The following ABR variants were observed in gnomAD, a reference collection of about 807,000 sequenced individuals.
ABR encodes the protein ABR activator of RhoGEF and GTPase.
In ABR, 35 loss-of-function variants were observed where a neutral mutation model predicts 107.2. The ratio of observed to expected loss-of-function variants is 0.33; its 90% CI spans 0.25 to 0.43. The LOEUF is 0.43. Among genes scored for constraint, ABR ranks in the 20% least tolerant of loss-of-function variants. The pLI is 1.00. For missense variants in ABR, 815 were observed against 1,115.2 expected (o/e 0.73, Z 3.83); for synonymous variants, 498 against 462.0 (o/e 1.08, Z -1.00).
In ABR at chr17:1,050,489, G is replaced by A. The variant is rs750048970; in HGVS notation, c.1659+48C>T. The A allele has an allele frequency of 1.9e-6, 3 of 1,542,080 alleles. No homozygotes were observed. The highest frequency in any genetic ancestry group is 1.1e-5 in the South Asian group (1 of 89,692). On this transcript the variant is annotated intron_variant, in intron 15 of 22. Coordinates refer to ENST00000302538, the MANE Select transcript of ABR (RefSeq NM_021962.5). The surrounding 1 kb of genome is among the most constrained non-coding windows in gnomAD (Gnocchi z 4.6). ...GCCGTCCCCAGCAGACAAGCCACGAGCACGGGGTGGTGGGGTCCCCACAGA... is the reference window on the plus strand; with the variant it reads ...GCCGTCCCCAGCAGACAAGCCACGAACACGGGGTGGTGGGGTCCCCACAGA...
At chr17:1,062,873 A>G (rs1404631603) in intron 10 of ABR, among the ~76,000 whole-genome samples, 4 of 126,494 alleles carry the variant, frequency 3.2e-5, no homozygotes, top group Non-Finnish European at 3.3e-5. Context: ...TCCTCTAGAC[A>G]CTGTTATGTG....
intron 16 of ABR, among the ~76,000 whole-genome samples, chr17:1,048,225 C>T (rs1160549884): frequency 6.6e-6 from 1 of 152,182 alleles, no homozygotes; most frequent in Non-Finnish European, 1.5e-5. Flanking sequence ...TCCCTAGTGA[C>T]GAGTACTGAG....
At chr17:1,195,927 G>A (rs1333124702) in intron 1 of ABR, among the ~76,000 whole-genome samples, 2 of 150,450 alleles carry the variant, frequency 1.3e-5, no homozygotes, top group African/African-American at 2.5e-5. Context: ...TCAGGAGTGC[G>A]AGACGAGCCT....
intron 1 of ABR, among the ~76,000 whole-genome samples, chr17:1,139,634 C>T (rs1420309803): frequency 6.6e-6 from 1 of 151,970 alleles, no homozygotes; most frequent in East Asian, 1.9e-4. Context: ...TAAATTTCTG[C>T]CTCCGTACCA....
rs1369187640 is a variant in ABR at position 1,048,770 on chromosome 17, G to GC, written c.1791+1279dup. ...CGGTCAAGAAGCTCGGCGCCCAGCT[G>GC]CGCCTGGATCACGTCCGGGGCCACG... On this transcript the variant is annotated intron_variant, in intron 16 of 22. Coordinates refer to ENST00000302538, the MANE Select transcript of ABR (RefSeq NM_021962.5). 5.3e-5 allele frequency among the ~76,000 whole-genome samples: 8 copies of GC among 151,094 alleles called. No homozygotes were observed. In the South Asian group the frequency reaches 1.7e-3, roughly 32 times the overall value.
At position 1,054,622 on chromosome 17, in the gene ABR, GGGGATGTGGGCACAAGGAACCTC is replaced by G. The variant is rs1292705576; in HGVS notation, c.1561+1390_1561+1412del. On this transcript the variant is annotated intron_variant, in intron 14 of 22. Transcript: ENST00000302538. ...GGGGATGGGGGCACAAGGAACCTCA[GGGGATGTGGGCACAAGGAACCTC>G]AGGGGATGGGGGCACAAGGAACCTG... 7.3e-3 allele frequency among the ~76,000 whole-genome samples: 142 copies of G among 19,474 alleles called. 2 individuals carry two copies. Among genetic ancestry groups the G allele is most frequent in the Middle Eastern group, 0.024 (1 of 42 alleles). 12.8% of individuals were successfully genotyped at this position (19,474 alleles called of 152,430 possible).
intron 4 of ABR, 28 bp from the exon 5 acceptor site, chr17:1,083,655 G>A (rs769115328): frequency 5.9e-6 from 9 of 1,515,146 alleles, no homozygotes; most frequent in Admixed American, 1.7e-5. Context: ...GGAACAGAGG[G>A]AGAGGAGGGT....
chr17:1,013,131 GC>G lies in ABR; in HGVS notation c.1824del (p.Trp608CysfsTer5). The G allele has an allele frequency of 6.2e-7, 1 of 1,614,180 alleles. No individual in the cohort carries two copies. The highest frequency in any genetic ancestry group is 8.5e-7 in the Non-Finnish European group (1 of 1,180,018). On this transcript the variant is annotated frameshift_variant, in exon 17 of 23. Transcript: ENST00000302538. LOFTEE classifies it high-confidence loss of function. ...LDPQTVETKN[W>X]HTDVIEMNGI... is the part of the protein sequence containing the mutation. ...CCGTTCATCTCAATCACGTCCGTGT[GC>G]CAGTTCTTGGTCTCCACGGTTTGTG...
At position 1,091,984 on chromosome 17, in the gene ABR, T is replaced by C. The variant is rs911202005; in HGVS notation, c.346-134A>G. The C allele has an allele frequency of 8.7e-6, 8 of 922,674 alleles. No individual in the cohort carries two copies. In the Admixed American group the frequency reaches 2.2e-4, roughly 25 times the overall value. The allele number at this position is 922,674 out of a possible 1,614,324, so 57.2% of individuals were successfully genotyped here. A position where few individuals can be genotyped will look rare whatever the true frequency, so the allele number is the denominator to read the frequency against. On this transcript the variant is annotated intron_variant, in intron 3 of 22. Transcript: ENST00000302538. ...GACAAGGCTGCCAAAGGCAGGGCACTGAAACGAGCTTTGTATCAAGGAGCC... is the reference window on the plus strand; with the variant it reads ...GACAAGGCTGCCAAAGGCAGGGCACCGAAACGAGCTTTGTATCAAGGAGCC...
intron 2 of ABR, among the ~76,000 whole-genome samples, chr17:1,101,765 G>C (rs534925705): frequency 1.4e-5 from 2 of 147,558 alleles, no homozygotes; most frequent in African/African-American, 2.5e-5. Flanking sequence ...ACGGAGTCTC[G>C]CTCTGTCGCC....
rs887358747 is a variant in ABR at position 1,005,126 on chromosome 17, T to C, written c.*954A>G. On this transcript the variant is annotated 3_prime_UTR_variant, in exon 23 of 23. Transcript: ENST00000302538. ...CATTCCTCCCCCGTTCAGCCTGTGG[T>C]GTTTCCTCAGCAGCCTGACCGCCTC... The C allele has an allele frequency of 7.5e-6, 3 of 398,814 alleles. No homozygotes were observed. Among genetic ancestry groups the C allele is most frequent in the Non-Finnish European group, 8.8e-6 (2 of 226,222 alleles). The allele number at this position is 398,814 out of a possible 1,614,324, so 24.7% of individuals were successfully genotyped here.
rs1056445755 is a variant in ABR, at chr17:1,154,853, C to T, written c.61+24814G>A. The stretch of plus-strand genomic sequence containing the variant: ...CCGCTCCCTTCCCCATTCCAGCAGC[C>T]ACTTCCCACCCTGCATTTGTTCCCT... On this transcript the variant is annotated intron_variant, in intron 1 of 22. Coordinates refer to ENST00000302538, the MANE Select transcript of ABR (RefSeq NM_021962.5). The surrounding 1 kb of genome is among the most constrained non-coding windows in gnomAD (Gnocchi z 4.0). 1.3e-5 allele frequency: 2 copies of T among 152,476 alleles called. No individual in the cohort carries two copies. Among genetic ancestry groups the T allele is most frequent in the African/African-American group, 4.8e-5 (2 of 41,430 alleles). 9.4% of individuals were successfully genotyped at this position (152,476 alleles called of 1,614,324 possible).
intron 2 of ABR, among the ~76,000 whole-genome samples, chr17:1,104,777 G>A (rs2038132691): frequency 6.6e-6 from 1 of 152,186 alleles, no homozygotes; most frequent in African/African-American, 2.4e-5. Flanking sequence ...AGAGAAGACG[G>A]GTCAACTGCT....
At chr17:1,119,490 T>C (rs554196328) in intron 2 of ABR, among the ~76,000 whole-genome samples, 7 of 71,122 alleles carry the variant, frequency 9.8e-5, no homozygotes, top group African/African-American at 2.3e-4. Flanking sequence ...GAGCCTGAGT[T>C]CCTCCCAGCG....
intron 16 of ABR, among the ~76,000 whole-genome samples, chr17:1,023,739 A>G (rs1473324101): frequency 6.6e-6 from 1 of 152,112 alleles, no homozygotes; most frequent in Non-Finnish European, 1.5e-5. Context: ...AGAAACATTA[A>G]CAGGGCTGGG....
In ABR at chr17:1,058,779, G is replaced by GA; in HGVS notation, c.1270_1271insT (p.Thr424IlefsTer60). On this transcript the variant is annotated frameshift_variant, in exon 11 of 23. Transcript: ENST00000302538. LOFTEE classifies it high-confidence loss of function. ...CCGATTGTGGATCCTGAACGGGATT[G>GA]TGGGGGAGTTGAGCAGCAGCAGGAA... is the stretch of plus-strand genomic sequence containing the variant. 6.2e-7 allele frequency: 1 copy of GA among 1,614,114 alleles called. No homozygotes were observed. The highest frequency in any genetic ancestry group is 8.5e-7 in the Non-Finnish European group (1 of 1,180,016).
chr17:1,175,890 G>A (rs905564464), intron 1 of ABR, among the ~76,000 whole-genome samples: 2 of 152,154 alleles, frequency 1.3e-5, no homozygotes, highest in Admixed American at 6.5e-5. Context: ...AGGAGATCGA[G>A]ACCATCCTGG....
intron 16 of ABR, among the ~76,000 whole-genome samples, chr17:1,045,438 ACAGCAGGACAATCTTCCG>A (rs2031437770): frequency 5.9e-5 from 9 of 151,792 alleles, no homozygotes; most frequent in Non-Finnish European, 1.2e-4. Flanking sequence ...CCGTCTTCTT[ACAGCAGGACAATCTTCCG>A]TCTTCTTACA....
chr17:1,026,214 C>T (rs966205745), intron 16 of ABR, among the ~76,000 whole-genome samples: 1 of 152,238 alleles, frequency 6.6e-6, no homozygotes, highest in African/African-American at 2.4e-5. Context: ...TACTCGCGGG[C>T]ACACAGCAGT....
Sources: allele counts gnomAD v4.1 joint callset (sites outside exome capture counted in the v4.1 genomes callset), GRCh38; gene constraint gnomAD v4.1.1; non-coding constraint Gnocchi (gnomAD v3.1); transcripts MANE v1.5; gene names NCBI Gene and HGNC (gene_info 2026-07-23, HGNC 2026-07-21).